NRAP: variants seen among roughly 807,000 people sequenced by gnomAD.
The protein encoded by NRAP is nebulin-related-anchoring protein.
NRAP carries 189 observed loss-of-function variants against 225.9 expected under a neutral mutation model. The observed-to-expected ratio is 0.84, with a 90% CI of 0.74 to 0.94. The LOEUF is 0.94. Ranked by LOEUF, NRAP falls within the 40% of genes least tolerant of loss-of-function variation. The pLI, the probability that NRAP is intolerant of heterozygous loss-of-function variation, is 0.00. For missense variants in NRAP, 2,176 were observed against 2,168.7 expected, an observed-to-expected ratio of 1.00 and a Z score of -0.07; for synonymous variants, 769 against 790.7, an observed-to-expected ratio of 0.97 and a Z score of 0.46.
intron 31 of NRAP, 63 bp from the exon 32 acceptor site, chr10:113,608,575 C>A: frequency 9.3e-7 from 1 of 1,075,228 alleles, no homozygotes; most frequent in East Asian, 2.4e-5. Flanking sequence ...AGAAGCAGAA[C>A]CAGTTCTTTA....
chr10:113,611,747 G>A (rs1052496310), intron 30 of NRAP, among the ~76,000 whole-genome samples: 1 of 152,172 alleles, frequency 6.6e-6, no homozygotes, highest in African/African-American at 2.4e-5. Flanking sequence ...GGTGGCACAG[G>A]AACGCATGAA....
At chr10:113,628,227 G>T (rs1045756016) in intron 20 of NRAP, among the ~76,000 whole-genome samples, 1 of 151,922 alleles carries the variant, frequency 6.6e-6, no homozygotes, top group African/African-American at 2.4e-5. Context: ...TCGATCTGTC[G>T]CCCAGGCTGG....
chr10:113,610,069 G>T (rs139490562), intron 31 of NRAP, among the ~76,000 whole-genome samples: 1 of 152,136 alleles, frequency 6.6e-6, no homozygotes, highest in Non-Finnish European at 1.5e-5. Flanking sequence ...AAACTGATTG[G>T]CTGGGCGCAG....
At chr10:113,631,418 A>G in intron 18 of NRAP, 91 bp downstream of exon 18, 1 of 692,908 alleles carries the variant, frequency 1.4e-6, no homozygotes, top group Non-Finnish European at 2.5e-6. Context: ...AGTCAATAAA[A>G]AGGTTACAGT....
At position 113,663,939 on chromosome 10, in the gene NRAP, A is replaced by G. The variant is rs1043510688; in HGVS notation, c.-57T>C. On this transcript the variant is annotated 5_prime_UTR_variant, in exon 1 of 42. Transcript: ENST00000359988. ...GCAACAGGCAAGAAATGCAAGGAGA[A>G]CCCCCAGTCTAGTTCAAGTCTTCAA... The G allele has an allele frequency of 3.1e-6, 4 of 1,293,392 alleles. No individual in the cohort carries two copies. The highest frequency in any genetic ancestry group is 4.5e-6 in the Non-Finnish European group (4 of 887,564). The allele number at this position is 1,293,392 out of a possible 1,614,324, so 80.1% of individuals were successfully genotyped here.
chr10:113,623,478 A>G, intron 23 of NRAP, 51 bp downstream of exon 23: 2 of 1,182,506 alleles, frequency 1.7e-6, no homozygotes, highest in Non-Finnish European at 2.5e-6. Context: ...TCTCCCCGGT[A>G]TAAAAAGGCA....
chr10:113,614,369 G>A, intron 28 of NRAP, 73 bp from the exon 29 acceptor site: 1 of 1,064,552 alleles, frequency 9.4e-7, no homozygotes, highest in Non-Finnish European at 1.5e-6. Flanking sequence ...GTGGGCATTG[G>A]GTGAAAATGT....
chr10:113,658,205 G>C (rs1361213176), intron 3 of NRAP, among the ~76,000 whole-genome samples: 1 of 152,112 alleles, frequency 6.6e-6, no homozygotes, highest in Non-Finnish European at 1.5e-5. Flanking sequence ...GAGTCCACTG[G>C]TCTATTTCTC....
In NRAP at chr10:113,589,082, G is replaced by A. The variant is rs772289662; in HGVS notation, c.5089-3C>T. 8.1e-6 allele frequency: 13 copies of A among 1,612,726 alleles called. No homozygotes were observed. The highest frequency in any genetic ancestry group is 1.3e-5 in the African/African-American group (1 of 74,810). Reference sequence around the variant, plus strand: ...GCCTCCACTGCTTCTGCCCCCCGCTGCTGAAATCAAACATACCCCAAGTTA... The same window carrying A: ...GCCTCCACTGCTTCTGCCCCCCGCTACTGAAATCAAACATACCCCAAGTTA... On this transcript the variant is annotated splice_polypyrimidine_tract_variant and splice_region_variant and intron_variant, in intron 41 of 41. Transcript: ENST00000359988.
chr10:113,650,911 C>T (rs1335338321), intron 7 of NRAP, among the ~76,000 whole-genome samples: 1 of 152,214 alleles, frequency 6.6e-6, no homozygotes, highest in Non-Finnish European at 1.5e-5. Context: ...CAAGAGGAAA[C>T]CATGTATGAC....
At chr10:113,646,558 T>A (rs1335841999) in intron 10 of NRAP, among the ~76,000 whole-genome samples, 1 of 152,232 alleles carries the variant, frequency 6.6e-6, no homozygotes, top group African/African-American at 2.4e-5. Flanking sequence ...AAAAATCATT[T>A]CATCACCGGG....
chr10:113,623,639 A>G lies in NRAP; in HGVS notation c.2350-3T>C, dbSNP rs1483307336. 1 of 1,607,068 alleles carries G rather than the reference A, an allele frequency of 6.2e-7. No individual in the cohort carries two copies. The highest frequency in any genetic ancestry group is 8.5e-7 in the Non-Finnish European group (1 of 1,173,760). On this transcript the variant is annotated splice_polypyrimidine_tract_variant and splice_region_variant and intron_variant, in intron 22 of 41. Coordinates refer to ENST00000359988, the MANE Select transcript of NRAP (RefSeq NM_198060.4). ...TCCCAGCTGCTCTTATACAGTTTCT[A>G]AGGGGATTTAGGAGAGAAGGTGAGT... is the stretch of plus-strand genomic sequence containing the variant.
At chr10:113,659,851 T>C (rs1170231891) in intron 3 of NRAP, among the ~76,000 whole-genome samples, 1 of 152,210 alleles carries the variant, frequency 6.6e-6, no homozygotes, top group Admixed American at 6.5e-5. Flanking sequence ...AAAAATCTCT[T>C]TCCTTTTTTG....
chr10:113,607,990 A>C (rs1460085588), intron 32 of NRAP, among the ~76,000 whole-genome samples: 1 of 152,234 alleles, frequency 6.6e-6, no homozygotes, highest in African/African-American at 2.4e-5. Context: ...GATAACCACA[A>C]ATCCTCCCAC....
At chr10:113,593,556 C>T (rs993976981) in intron 38 of NRAP, among the ~76,000 whole-genome samples, 12 of 152,186 alleles carry the variant, frequency 7.9e-5, no homozygotes, top group African/African-American at 2.2e-4. Context: ...CAGAACCGTT[C>T]GTTCCTGGGA....
At position 113,604,820 on chromosome 10, in the gene NRAP, T is replaced by A. The variant is rs1846840091; in HGVS notation, c.4016A>T (p.Gln1339Leu). ...PRIQHCRRMG[Q>L]LQSELQYRRG... Reference sequence around the variant, plus strand: ...CCTGTACTGAAGCTCGCTCTGCAGCTGGCCCATGCGCCGGCAGTGCTGGAT... The same window carrying A: ...CCTGTACTGAAGCTCGCTCTGCAGCAGGCCCATGCGCCGGCAGTGCTGGAT... Residue 1339 changes from glutamine to leucine, a missense_variant, in exon 35 of 42, where the codon CAG becomes CTG. By Grantham distance (113) the Gln-to-Leu change is moderately radical. Transcript: ENST00000359988. 6.2e-7 allele frequency: 1 copy of A among 1,614,192 alleles called. No homozygotes were observed. Among genetic ancestry groups the A allele is most frequent in the Admixed American group, 1.7e-5 (1 of 60,024 alleles).
At chr10:113,614,422 G>A (rs1019988650) in intron 28 of NRAP, 126 bp from the exon 29 acceptor site, 23 of 698,924 alleles carry the variant, frequency 3.3e-5, no homozygotes, top group South Asian at 2.7e-4. Flanking sequence ...AAGAAAATGC[G>A]CGGGAGTCGT....
chr10:113,607,947 C>G (rs975376954), intron 32 of NRAP, among the ~76,000 whole-genome samples: 3 of 152,172 alleles, frequency 2.0e-5, no homozygotes, highest in African/African-American at 7.2e-5. Flanking sequence ...AATTGAGAAG[C>G]CTGACAAACA....
Position 113,614,246 on chromosome 10 carries a change from G to T in NRAP, c.3237C>A (p.Ser1079=), listed in dbSNP as rs1264358351. 6.2e-7 allele frequency: 1 copy of T among 1,614,106 alleles called. No homozygotes were observed. The highest frequency in any genetic ancestry group is 1.7e-5 in the Admixed American group (1 of 60,020). The change falls in exon 29 of 42, where the codon TCC becomes TCA. Residue 1079 remains serine, a synonymous_variant. Coordinates refer to ENST00000359988, the MANE Select transcript of NRAP (RefSeq NM_198060.4). ...GGCTGATATCATCTTCCAAGCTCCG[G>T]GAACCAAGCATCTGTCCTTTCATTT... ...FEKMKGQMLG[S]RSLEDDISLA...
Sources: gnomAD v4.1 joint callset for allele counts (sites outside exome capture counted in the v4.1 genomes callset) on GRCh38, gnomAD v4.1.1 for gene constraint, MANE v1.5 for transcripts, NCBI Gene and HGNC (gene_info 2026-07-23, HGNC 2026-07-21) for gene names.